Variants in PDE8A observed in about 807,000 individuals in gnomAD.
PDE8A encodes the protein high affinity cAMP-specific and IBMX-insensitive 3',5'-cyclic phosphodiesterase 8A.
In PDE8A, 59 loss-of-function variants were observed where a neutral mutation model predicts 105.0. The ratio of observed to expected loss-of-function variants is 0.56; its 90% CI spans 0.46 to 0.70. The LOEUF (loss-of-function observed/expected upper bound fraction) is 0.70. Among genes scored for constraint, PDE8A ranks in the 30% least tolerant of loss-of-function variants. The pLI, the probability that PDE8A is intolerant of heterozygous loss-of-function variation, is 0.00. For synonymous variants in PDE8A, 355 were observed against 371.9 expected (o/e 0.95, Z 0.52); for missense variants, 1,014 against 1,045.9 (o/e 0.97, Z 0.42).
At chr15:84,981,595 AC>A (rs937399191), upstream of PDE8A, among the ~76,000 whole-genome samples, 57 of 151,820 alleles carry the variant, frequency 3.8e-4, no homozygotes, top group African/African-American at 1.4e-3. Flanking sequence ...CTTGTACCCC[AC>A]CGGCACTCGG....
At chr15:85,030,369 G>A (rs1168452969) in intron 1 of PDE8A, among the ~76,000 whole-genome samples, 2 of 151,892 alleles carry the variant, frequency 1.3e-5, no homozygotes, top group Non-Finnish European at 2.9e-5. Context: ...TTGTCTCCCA[G>A]CCACAGTCAC....
At chr15:85,040,661 C>T (rs1014401204) in intron 1 of PDE8A, among the ~76,000 whole-genome samples, 4 of 150,662 alleles carry the variant, frequency 2.7e-5, no homozygotes, top group African/African-American at 9.8e-5. Context: ...CCCGGGTTCA[C>T]GCCATTCTCC....
chr15:85,044,537 C>T (rs571757972), intron 1 of PDE8A, among the ~76,000 whole-genome samples: 4 of 152,314 alleles, frequency 2.6e-5, no homozygotes, highest in Admixed American at 2.6e-4. Context: ...CCCCAAATTT[C>T]CATGCCACAA....
chr15:85,021,139 C>G (rs952386228), intron 1 of PDE8A, among the ~76,000 whole-genome samples: 7 of 152,154 alleles, frequency 4.6e-5, no homozygotes, highest in African/African-American at 1.7e-4. Context: ...GTTCTCCTGT[C>G]CGCCTTGTAA....
chr15:85,121,808 A>G (rs373778536), intron 18 of PDE8A, among the ~76,000 whole-genome samples: 2 of 152,134 alleles, frequency 1.3e-5, no homozygotes, highest in African/African-American at 4.8e-5. Context: ...CTAGACAACT[A>G]CTGTGATCTA....
chr15:85,136,478 C>G, intron 20 of PDE8A, 56 bp from the exon 21 acceptor site: 1 of 1,572,562 alleles, frequency 6.4e-7, no homozygotes, highest in Non-Finnish European at 8.6e-7. Flanking sequence ...GGGGCTGCCC[C>G]TAGGTGGAGT....
intron 2 of PDE8A, among the ~76,000 whole-genome samples, chr15:85,065,811 G>C (rs1216112658): frequency 6.6e-6 from 1 of 152,204 alleles, no homozygotes; most frequent in African/African-American, 2.4e-5. Flanking sequence ...ATAGCAGGGA[G>C]AGAGAGGGAA....
chr15:85,038,475 A>T (rs569989702), intron 1 of PDE8A, among the ~76,000 whole-genome samples: 16 of 152,296 alleles, frequency 1.1e-4, no homozygotes, highest in Middle Eastern at 6.8e-3. Flanking sequence ...CCTCAATGAA[A>T]GCAAAAATAG....
At chr15:84,985,102 A>T (rs2079781334) in intron 1 of PDE8A, among the ~76,000 whole-genome samples, 1 of 152,156 alleles carries the variant, frequency 6.6e-6, no homozygotes, top group Non-Finnish European at 1.5e-5. Context: ...CATTTCCTAA[A>T]CTAGTTGATT....
At chr15:85,022,426 G>GTT (rs3042744) in intron 1 of PDE8A, among the ~76,000 whole-genome samples, 5 of 134,454 alleles carry the variant, frequency 3.7e-5, no homozygotes, top group South Asian at 2.4e-4. Context: ...TATTGGAAGT[G>GTT]TTTTTTTTTT....
chr15:85,076,906 C>T lies in PDE8A; in HGVS notation c.546+119C>T, dbSNP rs369072252. On this transcript the variant is annotated intron_variant, in intron 5 of 21. Transcript: ENST00000394553. ...GAAGAAAAAAAATTGTCTGGCCAGGCGTGGTGGCTCATACCTGTAATCCCA... is the reference window on the plus strand; with the variant it reads ...GAAGAAAAAAAATTGTCTGGCCAGGTGTGGTGGCTCATACCTGTAATCCCA... 79 of 696,322 alleles carry T rather than the reference C, an allele frequency of 1.1e-4. 1 individual carries two copies. In the East Asian group the frequency reaches 1.6e-3, roughly 14 times the overall value. The allele number at this position is 696,322 out of a possible 1,614,324, so 43.1% of individuals were successfully genotyped here.
chr15:84,982,306 C>T lies in PDE8A; in HGVS notation c.144C>T (p.Ala48=). The T allele has an allele frequency of 1.5e-6, 2 of 1,366,996 alleles. No individual in the cohort carries two copies. Among genetic ancestry groups the T allele is most frequent in the Non-Finnish European group, 1.9e-6 (2 of 1,069,114 alleles). 84.7% of individuals were successfully genotyped at this position (1,366,996 alleles called of 1,614,324 possible). ...CCGCCTTGCCCCGGACCCGCGGCGC[C>T]GGCCTCTTGGAGTCGGAGCTTCGCG... ...KTAALPRTRG[A]GLLESELRDG... Residue 48 remains alanine, a synonymous_variant, in exon 1 of 22, where the codon GCC becomes GCT. Coordinates refer to ENST00000394553, the MANE Select transcript of PDE8A (RefSeq NM_002605.3).
chr15:85,079,041 G>A (rs1232013979), intron 5 of PDE8A, among the ~76,000 whole-genome samples: 2 of 152,096 alleles, frequency 1.3e-5, no homozygotes, highest in Non-Finnish European at 2.9e-5. Flanking sequence ...AAAGTAGTGA[G>A]CTATAAACCC....
intron 1 of PDE8A, among the ~76,000 whole-genome samples, chr15:84,984,148 T>G (rs948035498): frequency 1.3e-5 from 2 of 152,244 alleles, no homozygotes; most frequent in Admixed American, 1.3e-4. Flanking sequence ...AAGCCTCCTA[T>G]GTAGACTTCA....
intron 1 of PDE8A, among the ~76,000 whole-genome samples, chr15:84,986,595 A>G (rs2079805474): frequency 6.7e-6 from 1 of 149,204 alleles, no homozygotes; most frequent in African/African-American, 2.5e-5. Flanking sequence ...CTCCTAGTTT[A>G]CAAAGTGGAT....
intron 8 of PDE8A, among the ~76,000 whole-genome samples, chr15:85,094,669 T>C (rs1167241005): frequency 6.6e-6 from 1 of 152,208 alleles, no homozygotes; most frequent in Non-Finnish European, 1.5e-5. Flanking sequence ...ATGGTTTTGA[T>C]CCCTTCCTCC....
chr15:85,133,272 C>T (rs975504897), intron 20 of PDE8A, among the ~76,000 whole-genome samples: 12 of 152,182 alleles, frequency 7.9e-5, no homozygotes, highest in African/African-American at 2.9e-4. Context: ...TGTCTTCAGG[C>T]ATCCATATTG....
chr15:85,119,643 A>G (rs758507838), intron 17 of PDE8A, among the ~76,000 whole-genome samples: 70 of 152,052 alleles, frequency 4.6e-4, no homozygotes, highest in Admixed American at 1.3e-4. Flanking sequence ...TTATACTGGG[A>G]CATAATGTGT....
intron 17 of PDE8A, among the ~76,000 whole-genome samples, chr15:85,119,471 A>AAAAAAAAAAAAAAAAAAAAAAAAAC (rs1421406717): frequency 6.7e-6 from 1 of 149,258 alleles, no homozygotes; most frequent in African/African-American, 2.5e-5. Context: ...CTCGTCTCAA[A>AAAAAAAAAAAAAAAAAAAAAAAAAC]AAAAAAAAAA....
Sources: gnomAD v4.1 joint callset for allele counts (sites outside exome capture counted in the v4.1 genomes callset) on GRCh38, gnomAD v4.1.1 for gene constraint, MANE v1.5 for transcripts, NCBI Gene and HGNC (gene_info 2026-07-23, HGNC 2026-07-21) for gene names.